Variants in USP53 observed in about 807,000 individuals in gnomAD.
USP53 encodes the protein ubiquitin specific peptidase 53.
USP53 carries 71 observed loss-of-function variants against 94.9 expected under a neutral mutation model. The observed-to-expected ratio is 0.75, with a 90% CI of 0.62 to 0.91. The LOEUF (loss-of-function observed/expected upper bound fraction) is 0.91, where lower values mean the gene tolerates loss of function less well. Ranked by LOEUF, USP53 falls within the 40% of genes least tolerant of loss-of-function variation. The pLI, the probability that USP53 is intolerant of heterozygous loss-of-function variation, is 0.00. For missense variants in USP53, 1,173 were observed against 1,281.0 expected, an observed-to-expected ratio of 0.92 and a Z score of 1.29; for synonymous variants, 375 against 422.7, an observed-to-expected ratio of 0.89 and a Z score of 1.39.
At chr4:119,238,108 CTT>C (rs1747027004) in intron 4 of USP53, among the ~76,000 whole-genome samples, 1 of 152,206 alleles carries the variant, frequency 6.6e-6, no homozygotes, top group Non-Finnish European at 1.5e-5. Flanking sequence ...TTGAGTAACA[CTT>C]TTAATTTCCT....
intron 17 of USP53, among the ~76,000 whole-genome samples, chr4:119,274,635 T>C (rs1752350938): frequency 1.3e-5 from 2 of 149,086 alleles, no homozygotes; most frequent in Admixed American, 1.4e-4. Context: ...CTGGGTCAAA[T>C]GGTATTTCTA....
Position 119,271,625 on chromosome 4 carries a change from G to A in USP53, c.1765G>A (p.Glu589Lys). 7 of 1,613,736 alleles carry A rather than the reference G, an allele frequency of 4.3e-6. No homozygotes were observed. The highest frequency in any genetic ancestry group is 5.9e-6 in the Non-Finnish European group (7 of 1,180,016). The change falls in exon 16 of 19, where the codon GAA becomes AAA. Residue 589 changes from glutamate to lysine, a missense_variant. Glu to Lys is a moderately conservative substitution (Grantham distance 56). Coordinates refer to ENST00000692078, the MANE Select transcript of USP53 (RefSeq NM_001371395.1). ...SRNRGWKPMR[E>K]TLNVDSIFSE... ...GAACCGAGGTTGGAAACCTATGAGA[G>A]AAACATTAAATGTTGATAGTATTTT...
At chr4:119,281,330 A>T (rs1400035366) in intron 17 of USP53, among the ~76,000 whole-genome samples, 1 of 152,142 alleles carries the variant, frequency 6.6e-6, no homozygotes, top group African/African-American at 2.4e-5. Flanking sequence ...AAGGGATATA[A>T]TTTTTCACAA....
At position 119,239,403 on chromosome 4, in the gene USP53, T is replaced by G. The variant is rs1747227247; in HGVS notation, c.-357T>G. Reference sequence around the variant, plus strand: ...TATTTTATGCATCAAGACAAATGGCTTATGCATTAAAGGGGATGATTCGTT... The same window carrying G: ...TATTTTATGCATCAAGACAAATGGCGTATGCATTAAAGGGGATGATTCGTT... On this transcript the variant is annotated 5_prime_UTR_variant, in exon 5 of 19. Transcript: ENST00000692078. 1 of 240,808 alleles carries G rather than the reference T, an allele frequency of 4.2e-6. No homozygotes were observed. Among genetic ancestry groups the G allele is most frequent in the Non-Finnish European group, 7.9e-6 (1 of 127,112 alleles). 14.9% of individuals were successfully genotyped at this position (240,808 alleles called of 1,614,324 possible).
intron 6 of USP53, among the ~76,000 whole-genome samples, chr4:119,246,311 C>A (rs11098496): frequency 6.6e-6 from 1 of 152,088 alleles, no homozygotes; most frequent in Non-Finnish European, 1.5e-5. Flanking sequence ...CTCTCACCCA[C>A]CTCTGTCTCT....
chr4:119,274,248 TC>T (rs1190628297), intron 17 of USP53, among the ~76,000 whole-genome samples: 2 of 56,972 alleles, frequency 3.5e-5, no homozygotes, highest in Non-Finnish European at 6.5e-5. Context: ...CCCTCCCCCC[TC>T]CCCCCACCCC....
intron 4 of USP53, among the ~76,000 whole-genome samples, chr4:119,237,449 A>G (rs1746928680): frequency 6.6e-6 from 1 of 152,070 alleles, no homozygotes; most frequent in Non-Finnish European, 1.5e-5. Flanking sequence ...TTCATAGATG[A>G]CCTGCTTCTG....
intron 7 of USP53, among the ~76,000 whole-genome samples, chr4:119,251,647 T>A (rs554919010): frequency 2.6e-5 from 4 of 152,342 alleles, no homozygotes; most frequent in Non-Finnish European, 5.9e-5. Context: ...TGACTTCGTC[T>A]CTTCCATTTT....
chr4:119,265,057 A>G (rs886096546), intron 12 of USP53, among the ~76,000 whole-genome samples: 4 of 152,246 alleles, frequency 2.6e-5, no homozygotes, highest in Admixed American at 6.5e-5. Context: ...ACTACATGCT[A>G]TGATTCCATT....
At chr4:119,218,499 G>A (rs549247417) in intron 3 of USP53, 4 of 152,152 alleles carry the variant, frequency 2.6e-5, no homozygotes, top group Non-Finnish European at 5.9e-5. Flanking sequence ...GAGCAAAAAA[G>A]TGGAAACATT....
rs1203124508 is a variant in USP53, at chr4:119,294,686, T to A, written c.*1475T>A. ...AACATTCTAAAATGTTGTAACTAAT[T>A]TAATGTGAATACTGTTAAACAGAAA... On this transcript the variant is annotated 3_prime_UTR_variant, in exon 19 of 19. Coordinates refer to ENST00000692078, the MANE Select transcript of USP53 (RefSeq NM_001371395.1). 3 of 152,122 alleles carry A rather than the reference T, an allele frequency of 2.0e-5. No individual in the cohort carries two copies. Among genetic ancestry groups the A allele is most frequent in the African/African-American group, 7.2e-5 (3 of 41,444 alleles). 9.4% of individuals were successfully genotyped at this position (152,122 alleles called of 1,614,324 possible).
intron 3 of USP53, chr4:119,220,603 G>A (rs563531587): frequency 1.6e-4 from 25 of 152,240 alleles, no homozygotes; most frequent in Non-Finnish European, 1.9e-4. Flanking sequence ...GAGAATATAA[G>A]ATCCTTTGAA....
In USP53 at chr4:119,248,782, A is replaced by G; in HGVS notation, c.272A>G (p.Lys91Arg). ...GCACAGTTCCAACACAGTCGAGAAAAAGCACTTCCCTCAGATAACATAAGG... is the reference window on the plus strand; with the variant it reads ...GCACAGTTCCAACACAGTCGAGAAAGAGCACTTCCCTCAGATAACATAAGG... The part of the protein sequence containing the change: ...IFAQFQHSRE[K>R]ALPSDNIRHA... The change falls in exon 7 of 19, where the codon AAA (lysine) becomes AGA (arginine). Residue 91 changes from lysine to arginine, a missense_variant. Lys to Arg is a conservative substitution (Grantham distance 26). Transcript: ENST00000692078. 6.2e-7 allele frequency: 1 copy of G among 1,614,054 alleles called. No individual in the cohort carries two copies. Among genetic ancestry groups the G allele is most frequent in the Non-Finnish European group, 8.5e-7 (1 of 1,180,026 alleles).
intron 17 of USP53, among the ~76,000 whole-genome samples, chr4:119,282,728 C>T (rs1014044985): frequency 6.6e-6 from 1 of 151,990 alleles, no homozygotes. Context: ...AATTTTTTCC[C>T]AAATTAAAAA....
intron 3 of USP53, among the ~76,000 whole-genome samples, chr4:119,233,956 A>G (rs1746396641): frequency 6.6e-6 from 1 of 152,160 alleles, no homozygotes; most frequent in South Asian, 2.1e-4. Context: ...GTTGGTGCCA[A>G]AAAGGAACTT....
intron 12 of USP53, among the ~76,000 whole-genome samples, chr4:119,265,478 C>T (rs1428526119): frequency 6.6e-6 from 1 of 152,104 alleles, no homozygotes; most frequent in Non-Finnish European, 1.5e-5. Context: ...TCCTCAAAGC[C>T]TGGCCAACAT....
intron 17 of USP53, among the ~76,000 whole-genome samples, chr4:119,287,653 G>GA (rs1262027664): frequency 2.0e-5 from 3 of 152,154 alleles, no homozygotes; most frequent in Non-Finnish European, 4.4e-5. Context: ...AAATACGGGA[G>GA]AATGCAGAAA....
chr4:119,242,914 ACATGC>A (rs1197301777), intron 5 of USP53, among the ~76,000 whole-genome samples: 4 of 152,230 alleles, frequency 2.6e-5, no homozygotes, highest in Non-Finnish European at 5.9e-5. Flanking sequence ...AAATGAATTT[ACATGC>A]CATTTCTTAT....
intron 12 of USP53, among the ~76,000 whole-genome samples, chr4:119,264,278 CA>C (rs1750853901): frequency 6.6e-6 from 1 of 152,038 alleles, no homozygotes; most frequent in Non-Finnish European, 1.5e-5. Flanking sequence ...ATGGGACTAT[CA>C]GGGGAGGATA....
Sources: gnomAD v4.1 joint callset for allele counts (sites outside exome capture counted in the v4.1 genomes callset) on GRCh38, gnomAD v4.1.1 for gene constraint, MANE v1.5 for transcripts, NCBI Gene and HGNC (gene_info 2026-07-23, HGNC 2026-07-21) for gene names.